Variants in EIF4G3 observed in about 807,000 individuals in gnomAD.
EIF4G3 encodes the protein eIF-4-gamma 3.
Under a neutral mutation model 186.4 loss-of-function variants are expected in EIF4G3, and 34 were observed. That is an observed-to-expected ratio of 0.18 (90% CI 0.14 to 0.24). The LOEUF (loss-of-function observed/expected upper bound fraction) is 0.24, where lower values mean the gene tolerates loss of function less well. EIF4G3 is among the 10% of genes least tolerant of loss of function. The pLI is 1.00. For synonymous variants in EIF4G3, 673 were observed against 679.5 expected (o/e 0.99, Z 0.15); for missense variants, 1,536 against 1,948.5 (o/e 0.79, Z 3.99).
chr1:20,968,098 T>C (rs2075092951), intron 12 of EIF4G3, among the ~76,000 whole-genome samples: 1 of 152,236 alleles, frequency 6.6e-6, no homozygotes, highest in African/African-American at 2.4e-5. Flanking sequence ...TTTAGATAAT[T>C]TTTAAGATCT....
chr1:20,943,471 A>G (rs560564650), intron 13 of EIF4G3, among the ~76,000 whole-genome samples: 1 of 152,350 alleles, frequency 6.6e-6, no homozygotes, highest in Non-Finnish European at 1.5e-5. Flanking sequence ...AGGTAAATTG[A>G]TATGTGATTC....
chr1:21,099,496 G>A (rs1436692078), intron 2 of EIF4G3, among the ~76,000 whole-genome samples: 1 of 152,214 alleles, frequency 6.6e-6, no homozygotes, highest in African/African-American at 2.4e-5. Flanking sequence ...ATTATTTTAA[G>A]TAAAAGAAGC....
At chr1:20,814,625 G>A (rs561680026) in intron 34 of EIF4G3, among the ~76,000 whole-genome samples, 38 of 152,128 alleles carry the variant, frequency 2.5e-4, no homozygotes, top group African/African-American at 8.9e-4. Context: ...TAATTTTAAT[G>A]TGAATTAGAA....
At chr1:20,982,552 C>A (rs2078523749) in intron 7 of EIF4G3, 144 bp from the exon 8 acceptor site, 1 of 532,876 alleles carries the variant, frequency 1.9e-6, no homozygotes, top group Non-Finnish European at 3.2e-6. Context: ...AGAAAGAAGA[C>A]TAGAAAATCA....
intron 13 of EIF4G3, among the ~76,000 whole-genome samples, chr1:20,942,538 T>C (rs565124432): frequency 6.6e-6 from 1 of 152,326 alleles, no homozygotes; most frequent in South Asian, 2.1e-4. Flanking sequence ...ACATAAAGTC[T>C]GTTTTGGAGT....
intron 14 of EIF4G3, among the ~76,000 whole-genome samples, chr1:20,927,871 T>G (rs2095032847): frequency 1.3e-5 from 2 of 152,112 alleles, no homozygotes; most frequent in South Asian, 2.1e-4. Flanking sequence ...TTTTGTTTTG[T>G]TTTTTTGACA....
At chr1:20,879,707 C>T (rs2081777812) in intron 19 of EIF4G3, among the ~76,000 whole-genome samples, 187 bp from the exon 20 acceptor site, 1 of 152,072 alleles carries the variant, frequency 6.6e-6, no homozygotes, top group Non-Finnish European at 1.5e-5. Context: ...ACCTTCTTTT[C>T]ACTACTGAGG....
intron 2 of EIF4G3, among the ~76,000 whole-genome samples, chr1:21,104,484 A>T (rs1310455791): frequency 6.6e-6 from 1 of 152,192 alleles, no homozygotes; most frequent in Non-Finnish European, 1.5e-5. Flanking sequence ...CCACATAACT[A>T]ATCATTAGAG....
intron 14 of EIF4G3, among the ~76,000 whole-genome samples, chr1:20,931,052 G>A (rs906975436): frequency 4.0e-5 from 6 of 151,714 alleles, no homozygotes; most frequent in Non-Finnish European, 7.4e-5. Context: ...TGGCTATTTG[G>A]TGGAGAATAA....
In EIF4G3 at chr1:20,924,832, G is replaced by C. The variant is rs1054301387; in HGVS notation, c.1663+16659C>G. ...CCACCTTGGCCTCCCAAAGTGCTGGGATTACAGGTGTGAACCACCTCACCC... is the reference window on the plus strand; with the variant it reads ...CCACCTTGGCCTCCCAAAGTGCTGGCATTACAGGTGTGAACCACCTCACCC... On this transcript the variant is annotated intron_variant, in intron 14 of 36. Coordinates refer to ENST00000602326, the MANE Select transcript of EIF4G3 (RefSeq NM_001391906.1). Among the ~76,000 whole-genome samples, 4 of 152,306 alleles carry C rather than the reference G, an allele frequency of 2.6e-5. No homozygotes were observed. The East Asian group carries it at 7.7e-4, about 29-fold the overall frequency.
intron 2 of EIF4G3, among the ~76,000 whole-genome samples, chr1:21,092,777 G>A (rs561038015): frequency 6.6e-6 from 1 of 152,176 alleles, no homozygotes; most frequent in East Asian, 1.9e-4. Context: ...ACAGAACAGA[G>A]CCCTCAGAAA....
chr1:20,875,308 A>C (rs897319620), intron 20 of EIF4G3, among the ~76,000 whole-genome samples: 1 of 152,202 alleles, frequency 6.6e-6, no homozygotes, highest in African/African-American at 2.4e-5. Flanking sequence ...AAAAGACTAA[A>C]GAGTATTGAA....
chr1:21,165,206 C>A (rs2102998187), intron 2 of EIF4G3, among the ~76,000 whole-genome samples: 1 of 152,298 alleles, frequency 6.6e-6, no homozygotes, highest in East Asian at 1.9e-4. Flanking sequence ...TGCAGAAAAA[C>A]TGAAATCCTC....
chr1:20,969,368 C>G, intron 12 of EIF4G3, 106 bp downstream of exon 12: 1 of 1,348,378 alleles, frequency 7.4e-7, no homozygotes, highest in East Asian at 2.4e-5. Context: ...GGCTGCGAGA[C>G]AACTGATGGA....
chr1:20,913,800 A>AT (rs68098768), intron 14 of EIF4G3, among the ~76,000 whole-genome samples: 6,044 of 75,584 alleles, frequency 0.08, 414 homozygotes, highest in African/African-American at 0.14. Context: ...AATTATTAGA[A>AT]TTTTTTTTTT....
In EIF4G3 at chr1:21,003,171, C is replaced by CTT. The variant is rs376496321; in HGVS notation, c.-66-365_-66-364dup. Among the ~76,000 whole-genome samples the CTT allele has an allele frequency of 4.4e-3, 466 of 105,986 alleles. 4 individuals are homozygous for CTT. The highest frequency in any genetic ancestry group is 0.012 in the African/African-American group (370 of 30,026). 69.5% of individuals were successfully genotyped at this position (105,986 alleles called of 152,430 possible). A position where few individuals can be genotyped will look rare whatever the true frequency, so the allele number is the denominator to read the frequency against. On this transcript the variant is annotated intron_variant, in intron 4 of 36. Coordinates refer to ENST00000602326, the MANE Select transcript of EIF4G3 (RefSeq NM_001391906.1). Reference sequence around the variant, plus strand: ...AGCACTGTGCCGGACTAATTTTTTTCTTTTTTTTTTTTTTTTTTCAGAGAC... The same window carrying CTT: ...AGCACTGTGCCGGACTAATTTTTTTCTTTTTTTTTTTTTTTTTTTTCAGAGAC...
At chr1:21,094,571 T>A (rs946697527) in intron 2 of EIF4G3, among the ~76,000 whole-genome samples, 6 of 130,756 alleles carry the variant, frequency 4.6e-5, no homozygotes, top group Admixed American at 9.5e-5. Flanking sequence ...AACTGAACAA[T>A]GAGAACACTT....
intron 3 of EIF4G3, among the ~76,000 whole-genome samples, chr1:21,078,667 C>T (rs548278774): frequency 4.6e-5 from 7 of 152,302 alleles, no homozygotes; most frequent in African/African-American, 1.4e-4. Flanking sequence ...GATTTGACCA[C>T]CACACATTAC....
chr1:21,144,894 G>GTAA (rs2097408711), intron 2 of EIF4G3, among the ~76,000 whole-genome samples: 1 of 152,094 alleles, frequency 6.6e-6, no homozygotes, highest in African/African-American at 2.4e-5. Flanking sequence ...ACTAGAAGAG[G>GTAA]TAACGCACGT....
Sources: allele counts gnomAD v4.1 joint callset (sites outside exome capture counted in the v4.1 genomes callset), GRCh38; gene constraint gnomAD v4.1.1; transcripts MANE v1.5; gene names NCBI Gene and HGNC (gene_info 2026-07-23, HGNC 2026-07-21).